The following MAF variants were observed in gnomAD, a reference collection of about 807,000 sequenced individuals.
MAF encodes MAF bZIP transcription factor, also known as transcription factor Maf.
MAF carries 10 observed loss-of-function variants against 22.0 expected under a neutral mutation model. The ratio of observed to expected loss-of-function variants is 0.45; its 90% confidence interval spans 0.28 to 0.77. The LOEUF is 0.77. MAF is among the 30% of genes least tolerant of loss of function. The pLI is 0.12. For synonymous variants in MAF, 337 were observed against 255.8 expected, an observed-to-expected ratio of 1.32 and a Z score of -3.03; for missense variants, 544 against 548.4, an observed-to-expected ratio of 0.99 and a Z score of 0.08.
At chr16:79,466,516 C>T in the MAF span, among the ~76,000 whole-genome samples, 1 of 152,220 alleles carries the variant, frequency 6.6e-6, no homozygotes, top group East Asian at 1.9e-4. Flanking sequence ...GATCCACCGT[C>T]TTATACTCAT....
the MAF span, among the ~76,000 whole-genome samples, chr16:79,370,846 A>G: frequency 3.0e-4 from 46 of 151,368 alleles, 1 homozygote; most frequent in African/African-American, 1.1e-3. Flanking sequence ...CTGTCTGTGT[A>G]GTGGTGTGGT....
chr16:79,382,596 G>A, the MAF span, among the ~76,000 whole-genome samples: 1 of 152,186 alleles, frequency 6.6e-6, no homozygotes, highest in African/African-American at 2.4e-5. Context: ...GACCCTGAAC[G>A]CAGCTATTGA....
the MAF span, among the ~76,000 whole-genome samples, chr16:79,216,846 G>C: frequency 8.2e-4 from 119 of 145,156 alleles, no homozygotes; most frequent in African/African-American, 3.0e-3. Flanking sequence ...GTCTCGCTCT[G>C]TCACCCAGGC....
chr16:79,204,687 C>G, the MAF span: 2 of 152,274 alleles, frequency 1.3e-5, no homozygotes, highest in Non-Finnish European at 2.9e-5. Context: ...GCCCTTCAAT[C>G]CTGCTGATAG....
chr16:79,320,323 A>G, the MAF span, among the ~76,000 whole-genome samples: 1 of 152,204 alleles, frequency 6.6e-6, no homozygotes, highest in African/African-American at 2.4e-5. Context: ...TAAAACATCC[A>G]CCAGAGAAGA....
the MAF span, among the ~76,000 whole-genome samples, chr16:79,218,877 T>G: frequency 3.3e-5 from 5 of 152,188 alleles, no homozygotes; most frequent in Admixed American, 1.3e-4. Flanking sequence ...GTTGTAGCAC[T>G]ACACAGATTC....
chr16:79,325,233 A>G, the MAF span, among the ~76,000 whole-genome samples: 2 of 152,166 alleles, frequency 1.3e-5, no homozygotes, highest in Admixed American at 1.3e-4. Context: ...AATACTTTCA[A>G]GAGTAAATAA....
chr16:79,584,558 C>A (rs183504195), downstream of MAF, among the ~76,000 whole-genome samples: 64 of 152,250 alleles, frequency 4.2e-4, no homozygotes, highest in African/African-American at 1.3e-3. Flanking sequence ...CTTTCAAGTT[C>A]ATTAACTCTT....
At chr16:79,264,556 CTGAGCCAGGATTTGACCCCAACAGT>C in the MAF span, 1 of 152,242 alleles carries the variant, frequency 6.6e-6, no homozygotes, top group Admixed American at 6.5e-5. Flanking sequence ...TATGGCGAGG[CTGAGCCAGGATTTGACCCCAACAGT>C]TGAGCTCTAT....
chr16:79,311,864 C>A, the MAF span, among the ~76,000 whole-genome samples: 1 of 152,084 alleles, frequency 6.6e-6, no homozygotes, highest in African/African-American at 2.4e-5. Flanking sequence ...TCCCTGAGAA[C>A]AAAATGGGCA....
the MAF span, among the ~76,000 whole-genome samples, chr16:79,435,678 A>C: frequency 6.6e-6 from 1 of 152,094 alleles, no homozygotes; most frequent in Admixed American, 6.5e-5. Flanking sequence ...TTCTCCCCAA[A>C]TTCATCTTTC....
chr16:79,479,295 G>T, the MAF span, among the ~76,000 whole-genome samples: 1 of 152,160 alleles, frequency 6.6e-6, no homozygotes, highest in Non-Finnish European at 1.5e-5. Context: ...GTACCATCAT[G>T]GCATACCTAT....
chr16:79,468,702 G>A, the MAF span, among the ~76,000 whole-genome samples: 1 of 152,166 alleles, frequency 6.6e-6, no homozygotes, highest in Non-Finnish European at 1.5e-5. Context: ...TGGCCCCCAT[G>A]CCTGGGAAGT....
At chr16:79,328,757 TA>T in the MAF span, among the ~76,000 whole-genome samples, 4 of 152,328 alleles carry the variant, frequency 2.6e-5, no homozygotes, top group East Asian at 7.7e-4. Flanking sequence ...AACCAGCTTG[TA>T]ATTAAAATGG....
At chr16:79,417,089 T>G in the MAF span, among the ~76,000 whole-genome samples, 1 of 152,230 alleles carries the variant, frequency 6.6e-6, no homozygotes, top group African/African-American at 2.4e-5. Context: ...TTTTTATGCC[T>G]TCTTTTAGCA....
the MAF span, among the ~76,000 whole-genome samples, chr16:79,455,466 C>G: frequency 6.6e-6 from 1 of 152,134 alleles, no homozygotes; most frequent in African/African-American, 2.4e-5. Flanking sequence ...GCTACATTAT[C>G]TCGGGTTTGG....
At chr16:79,460,691 G>A in the MAF span, among the ~76,000 whole-genome samples, 1 of 151,934 alleles carries the variant, frequency 6.6e-6, no homozygotes, top group African/African-American at 2.4e-5. Flanking sequence ...GTTTAATTGG[G>A]GTAGGGTTAT....
At chr16:79,323,311 T>C in the MAF span, among the ~76,000 whole-genome samples, 1 of 151,422 alleles carries the variant, frequency 6.6e-6, no homozygotes, top group Non-Finnish European at 1.5e-5. Flanking sequence ...TCACGAATGG[T>C]GTCCCAGGGG....
downstream of MAF, among the ~76,000 whole-genome samples, chr16:79,581,620 G>A (rs993447006): frequency 6.6e-6 from 1 of 152,136 alleles, no homozygotes; most frequent in South Asian, 2.1e-4. Flanking sequence ...TGAACTTACT[G>A]TGCTTTTCAA....
Sources: allele counts gnomAD v4.1 joint callset (sites outside exome capture counted in the v4.1 genomes callset), GRCh38; gene constraint gnomAD v4.1.1; transcripts MANE v1.5; gene names NCBI Gene and HGNC (gene_info 2026-07-23, HGNC 2026-07-21).